Variants in LINGO3 observed in about 807,000 individuals in gnomAD.
LINGO3 encodes the protein leucine-rich repeat and immunoglobulin-like domain-containing nogo receptor-interacting protein 3.
For missense variants in LINGO3, 750 were observed against 867.7 expected (o/e 0.86, Z 1.70); for synonymous variants, 427 against 444.2 (o/e 0.96, Z 0.49).
downstream of LINGO3, among the ~76,000 whole-genome samples, chr19:2,288,497 AT>A (rs1455063393): frequency 2.0e-5 from 3 of 152,108 alleles, no homozygotes; most frequent in African/African-American, 7.2e-5. The surrounding 1 kb of genome is among the most constrained non-coding windows in gnomAD (Gnocchi z 6.5). Flanking sequence ...CAGTAGACCC[AT>A]TTGGAAGGAC....
chr19:2,290,024 G>A lies in LINGO3; in HGVS notation c.1753C>T (p.Arg585Cys). ...CAGATCATCTTCATGTTGAACTTGC[G>A]CGCGCCTCCCTGGCCCGCCGCGGCG... Residue 585 changes from arginine (R) to cysteine (C), a missense_variant, in exon 1 of 1, where the codon CGC (arginine) becomes TGC (cysteine). Physicochemically the swap from Arg to Cys is radical, Grantham distance 180 (BLOSUM62 -3). Transcript: ENST00000585527. The surrounding 1 kb of genome is among the most constrained non-coding windows in gnomAD (Gnocchi z 6.0). 1.3e-6 allele frequency: 2 copies of A among 1,545,986 alleles called. No homozygotes were observed. The highest frequency in any genetic ancestry group is 1.7e-6 in the Non-Finnish European group (2 of 1,145,054).
chr19:2,294,133 A>T (rs1015719859), upstream of LINGO3, among the ~76,000 whole-genome samples: 7 of 152,116 alleles, frequency 4.6e-5, no homozygotes, highest in Admixed American at 3.9e-4. This position sits in a 1 kb window ranked among gnomAD's most constrained non-coding sequence, Gnocchi z 4.3. Context: ...GTCTTTACAG[A>T]TGTGCTCAGG....
upstream of LINGO3, among the ~76,000 whole-genome samples, chr19:2,293,795 G>A (rs1489806009): frequency 6.6e-6 from 1 of 151,522 alleles, no homozygotes; most frequent in African/African-American, 2.4e-5. Flanking sequence ...GCTCACGCCT[G>A]TAAATCCAGC....
chr19:2,297,992 G>A, the LINGO3 span, among the ~76,000 whole-genome samples: 1 of 151,316 alleles, frequency 6.6e-6, no homozygotes, highest in South Asian at 2.1e-4. Context: ...AGCTTCAAGC[G>A]ATTCTCCTGC....
At position 2,290,210 on chromosome 19, in the gene LINGO3, C is replaced by T; in HGVS notation, c.1567G>A (p.Asp523Asn). Residue 523 changes from aspartate (D) to asparagine (N), a missense_variant, in exon 1 of 1, where the codon GAC becomes AAC. Transcript: ENST00000585527. The surrounding 1 kb of genome is among the most constrained non-coding windows in gnomAD (Gnocchi z 6.0). ...GTGGACACCAGGATGGTGGTGAGGT[C>T]GAGCGGCGCGCGCAGGGCCGCCAGC... 6.2e-7 allele frequency: 1 copy of T among 1,608,198 alleles called. No homozygotes were observed. Among genetic ancestry groups the T allele is most frequent in the Non-Finnish European group, 8.5e-7 (1 of 1,178,180 alleles).
chr19:2,306,634 G>T, the LINGO3 span, among the ~76,000 whole-genome samples: 33 of 152,196 alleles, frequency 2.2e-4, no homozygotes, highest in African/African-American at 8.0e-4. Context: ...GCCGAGGTGG[G>T]CAGCATCTCA....
At chr19:2,295,333 C>G (rs1291844008), upstream of LINGO3, among the ~76,000 whole-genome samples, 1 of 152,030 alleles carries the variant, frequency 6.6e-6, no homozygotes, top group Non-Finnish European at 1.5e-5. Context: ...CCAGGGATGG[C>G]CAGCTACCAC....
chr19:2,291,645 G>A (rs2025524478), exon 1 of LINGO3: 2 of 1,420,060 alleles, frequency 1.4e-6, no homozygotes, highest in Non-Finnish European at 1.8e-6. Flanking sequence ...CGGCGGTCAG[G>A]CGGCGGCGCG....
At chr19:2,302,957 G>A in the LINGO3 span, among the ~76,000 whole-genome samples, 10 of 152,356 alleles carry the variant, frequency 6.6e-5, no homozygotes, top group African/African-American at 2.4e-4. Context: ...GAGGCACAGC[G>A]GCTTCCACGC....
In LINGO3 at chr19:2,290,663, A is replaced by G; in HGVS notation, c.1114T>C (p.Phe372Leu). 3.7e-6 allele frequency: 6 copies of G among 1,606,246 alleles called. No homozygotes were observed. Among genetic ancestry groups the G allele is most frequent in the Non-Finnish European group, 5.1e-6 (6 of 1,177,682 alleles). ...GCGCAGGCCGGCAGCCGCCCGTCGA[A>G]GTTGAGGGTCTTGCGACGCTGCACG... Residue 372 changes from phenylalanine to leucine, a missense_variant, in exon 1 of 1, where the codon TTC becomes CTC. Coordinates refer to ENST00000585527, the Ensembl canonical transcript of LINGO3. The surrounding 1 kb of genome is among the most constrained non-coding windows in gnomAD (Gnocchi z 6.0).
rs551394331 is a variant in LINGO3, at chr19:2,291,856, C to G, written c.-80G>C. ...GGGCGGGGAGCGGGCAGCGTTAGCA[C>G]CGTTAGCACCCCTCCGCGGCGCCTC... On this transcript the variant is annotated 5_prime_UTR_variant, in exon 1 of 1. Transcript: ENST00000585527. The G allele has an allele frequency of 1.1e-4, 131 of 1,238,854 alleles. 1 individual carries two copies. The African/African-American group carries it at 1.8e-3, about 17-fold the overall frequency. The allele number at this position is 1,238,854 out of a possible 1,614,324, so 76.7% of individuals were successfully genotyped here. A position where few individuals can be genotyped will look rare whatever the true frequency, so the allele number is the denominator to read the frequency against.
the LINGO3 span, among the ~76,000 whole-genome samples, chr19:2,304,984 CAA>C: frequency 6.6e-6 from 1 of 152,102 alleles, no homozygotes; most frequent in South Asian, 2.1e-4. Flanking sequence ...GCTCAGACTA[CAA>C]GCGTGAGCCA....
the LINGO3 span, among the ~76,000 whole-genome samples, chr19:2,297,937 G>A: frequency 1.6e-4 from 25 of 151,850 alleles, no homozygotes; most frequent in African/African-American, 5.1e-4. Context: ...TTGCTCTGTC[G>A]CCCAGTCTGG....
At chr19:2,296,411 T>G (rs955631911), upstream of LINGO3, among the ~76,000 whole-genome samples, 4 of 151,838 alleles carry the variant, frequency 2.6e-5, no homozygotes, top group African/African-American at 9.7e-5. Context: ...GCCCAGGAGG[T>G]CCAGGATGCA....
chr19:2,300,619 G>A, the LINGO3 span, among the ~76,000 whole-genome samples: 1 of 151,874 alleles, frequency 6.6e-6, no homozygotes, highest in Admixed American at 6.6e-5. Flanking sequence ...GAACCCCAGC[G>A]TAACCCCGGC....
chr19:2,295,457 C>T (rs1007464197), upstream of LINGO3, among the ~76,000 whole-genome samples: 9 of 152,112 alleles, frequency 5.9e-5, no homozygotes, highest in South Asian at 4.1e-4. Flanking sequence ...TCCTCTTGCC[C>T]GGCGCGGTGG....
the LINGO3 span, among the ~76,000 whole-genome samples, chr19:2,301,115 A>G: frequency 2.0e-5 from 3 of 152,076 alleles, no homozygotes; most frequent in Non-Finnish European, 4.4e-5. Flanking sequence ...CTGAGGTCCC[A>G]GGAGGCTGTG....
chr19:2,294,401 C>T (rs967303658), upstream of LINGO3, among the ~76,000 whole-genome samples: 2 of 152,118 alleles, frequency 1.3e-5, no homozygotes, highest in East Asian at 1.9e-4. This position sits in a 1 kb window ranked among gnomAD's most constrained non-coding sequence, Gnocchi z 4.3. Context: ...TTTGGACTTC[C>T]GCCTCCGGAG....
the LINGO3 span, among the ~76,000 whole-genome samples, chr19:2,299,786 C>A: frequency 1.4e-5 from 2 of 140,316 alleles, no homozygotes; most frequent in African/African-American, 5.5e-5. Context: ...TGCAGTGGTG[C>A]GATCTCGGCT....
Sources: gnomAD v4.1 joint callset for allele counts (sites outside exome capture counted in the v4.1 genomes callset) on GRCh38, gnomAD v4.1.1 for gene constraint, Gnocchi (gnomAD v3.1) non-coding constraint, MANE v1.5 for transcripts, NCBI Gene and HGNC (gene_info 2026-07-23, HGNC 2026-07-21) for gene names.